SLC6A3: variants seen among roughly 807,000 people sequenced by gnomAD.
The protein encoded by SLC6A3 is sodium-dependent dopamine transporter.
A neutral mutation model predicts 70.4 loss-of-function variants in SLC6A3; 19 were observed. The ratio of observed to expected loss-of-function variants is 0.27; its 90% CI spans 0.19 to 0.40. The LOEUF (loss-of-function observed/expected upper bound fraction) is 0.40. SLC6A3 is among the 10% of genes least tolerant of loss of function. SLC6A3 has a pLI of 1.00. For synonymous variants in SLC6A3, 368 were observed against 356.6 expected (o/e 1.03, Z -0.36); for missense variants, 613 against 838.5 (o/e 0.73, Z 3.32).
At position 1,393,145 on chromosome 5, in the gene SLC6A3, A is replaced by G. The variant is rs1425503664; in HGVS notation, c.*1590T>C. ...CACAGGCTGACGGCTCCCACCGAGC[A>G]TTACACTCCAGTCCCTGGAGCCCAC... is the stretch of plus-strand genomic sequence containing the variant. On this transcript the variant is annotated 3_prime_UTR_variant, in exon 15 of 15. Coordinates refer to ENST00000270349, the MANE Select transcript of SLC6A3 (RefSeq NM_001044.5). 2 of 89,522 alleles carry G rather than the reference A, an allele frequency of 2.2e-5. No individual in the cohort carries two copies. The highest frequency in any genetic ancestry group is 2.2e-4 in the Admixed American group (2 of 9,158). 5.5% of individuals were successfully genotyped at this position (89,522 alleles called of 1,614,324 possible).
In SLC6A3 at chr5:1,393,587, G is replaced by A; in HGVS notation, c.*1148C>T. 6.5e-6 allele frequency: 1 copy of A among 154,220 alleles called. No homozygotes were observed. The highest frequency in any genetic ancestry group is 7.1e-4 in the Middle Eastern group (1 of 1,412). 9.6% of individuals were successfully genotyped at this position (154,220 alleles called of 1,614,324 possible). Reference sequence around the variant, plus strand: ...TGGTCTGCAGGCTGCCTGCATGGGGGCCCTGCATGCGTCCTGGGGTAGTAC... The same window carrying A: ...TGGTCTGCAGGCTGCCTGCATGGGGACCCTGCATGCGTCCTGGGGTAGTAC... On this transcript the variant is annotated 3_prime_UTR_variant, in exon 15 of 15. Coordinates refer to ENST00000270349, the MANE Select transcript of SLC6A3 (RefSeq NM_001044.5).
rs534459203 is a variant in SLC6A3, at chr5:1,408,897, A to C, written c.1498+129T>G. On this transcript the variant is annotated intron_variant, in intron 11 of 14. Coordinates refer to ENST00000270349, the MANE Select transcript of SLC6A3 (RefSeq NM_001044.5). This position sits in a 1 kb window ranked among gnomAD's most constrained non-coding sequence, Gnocchi z 6.4. Reference sequence around the variant, plus strand: ...AGTGCCAAGCCTCTCCCCTCTGCGGAGCTGTGATGACCACAACCCAGGCTT... The same window carrying C: ...AGTGCCAAGCCTCTCCCCTCTGCGGCGCTGTGATGACCACAACCCAGGCTT... The C allele has an allele frequency of 6.5e-5, 47 of 717,714 alleles. No individual in the cohort carries two copies. Among genetic ancestry groups the C allele is most frequent in the Non-Finnish European group, 1.1e-4 (45 of 397,340 alleles). 44.5% of individuals were successfully genotyped at this position (717,714 alleles called of 1,614,324 possible).
intron 6 of SLC6A3, chr5:1,416,723 C>T (rs1756303403): frequency 8.0e-6 from 2 of 251,442 alleles, no homozygotes; most frequent in South Asian, 5.2e-5. Context: ...TAATAGCCCT[C>T]GGAACAGCAC....
chr5:1,404,807 T>C lies in SLC6A3; in HGVS notation c.1599+1381A>G, dbSNP rs11564765. 0.045 allele frequency among the ~76,000 whole-genome samples: 6,878 copies of C among 152,362 alleles called. 200 individuals carry two copies. The highest frequency in any genetic ancestry group is 0.063 in the Non-Finnish European group (4,313 of 68,040). On this transcript the variant is annotated intron_variant, in intron 12 of 14. Coordinates refer to ENST00000270349, the MANE Select transcript of SLC6A3 (RefSeq NM_001044.5). The surrounding 1 kb of genome is among the most constrained non-coding windows in gnomAD (Gnocchi z 5.2). ...TGGCAAAATGAAGTCCTGTTTCGTA[T>C]AGTTTGTAGTTTTATCTAAAAGTCT...
intron 14 of SLC6A3, among the ~76,000 whole-genome samples, chr5:1,399,512 C>T (rs970217493): frequency 6.6e-6 from 1 of 152,210 alleles, no homozygotes; most frequent in Non-Finnish European, 1.5e-5. Flanking sequence ...CAGCAAGAAT[C>T]TCACATGAAG....
rs1579726365 is a variant in SLC6A3 at position 1,438,778 on chromosome 5, C to T, written c.418+2581G>A. ...GCTGTGCCTTGTAAGACACTTGTGA[C>T]AGACTCCAGGGTGGCTCTTGAAAAT... is the stretch of plus-strand genomic sequence containing the variant. On this transcript the variant is annotated intron_variant, in intron 3 of 14. Coordinates refer to ENST00000270349, the MANE Select transcript of SLC6A3 (RefSeq NM_001044.5). The surrounding 1 kb of genome is among the most constrained non-coding windows in gnomAD (Gnocchi z 6.5). Among the ~76,000 whole-genome samples, 1 of 152,332 alleles carries T rather than the reference C, an allele frequency of 6.6e-6. No individual in the cohort carries two copies. Among genetic ancestry groups the T allele is most frequent in the Non-Finnish European group, 1.5e-5 (1 of 68,026 alleles).
rs554593073 is a variant in SLC6A3 at position 1,406,876 on chromosome 5, C to T, written c.1499-588G>A. On this transcript the variant is annotated intron_variant, in intron 11 of 14. Transcript: ENST00000270349. The surrounding 1 kb of genome is among the most constrained non-coding windows in gnomAD (Gnocchi z 8.8). The stretch of plus-strand genomic sequence containing the variant: ...GAATGTGACTCCTGTGGGAACCTCC[C>T]GTCAGTGGAGTCACGTGGCACGGGG... 6.6e-5 allele frequency among the ~76,000 whole-genome samples: 10 copies of T among 152,248 alleles called. No homozygotes were observed. The highest frequency in any genetic ancestry group is 1.3e-4 in the Admixed American group (2 of 15,296).
At chr5:1,424,259 G>A (rs1371043466) in intron 4 of SLC6A3, among the ~76,000 whole-genome samples, 2 of 152,236 alleles carry the variant, frequency 1.3e-5, no homozygotes, top group African/African-American at 4.8e-5. Context: ...ACTGTGCAGG[G>A]AAAGTTGTCT....
At position 1,411,841 on chromosome 5, in the gene SLC6A3, GCAACATACACACTCAGACACACATACCA is replaced by G. The variant is rs1756134478; in HGVS notation, c.1157-514_1157-487del. Among the ~76,000 whole-genome samples the G allele has an allele frequency of 2.7e-5, 4 of 149,360 alleles. No individual in the cohort carries two copies. Among genetic ancestry groups the G allele is most frequent in the African/African-American group, 9.9e-5 (4 of 40,206 alleles). ...ATACACACTCAGACACACATACCAT[GCAACATACACACTCAGACACACATACCA>G]TGCAACATACACACTCAGACACACA... is the stretch of plus-strand genomic sequence containing the variant. On this transcript the variant is annotated intron_variant, in intron 8 of 14. Coordinates refer to ENST00000270349, the MANE Select transcript of SLC6A3 (RefSeq NM_001044.5). The surrounding 1 kb of genome is among the most constrained non-coding windows in gnomAD (Gnocchi z 6.5).
chr5:1,444,513 G>A (rs1442124699), intron 1 of SLC6A3, among the ~76,000 whole-genome samples: 1 of 152,174 alleles, frequency 6.6e-6, no homozygotes, highest in Non-Finnish European at 1.5e-5. Flanking sequence ...GCTCTAACAG[G>A]CAACTTTCCC....
chr5:1,434,240 C>G (rs909115508), intron 3 of SLC6A3, among the ~76,000 whole-genome samples: 1 of 152,216 alleles, frequency 6.6e-6, no homozygotes, highest in African/African-American at 2.4e-5. Context: ...CAGGTAAGAT[C>G]ATCCAGGGCT....
At chr5:1,429,480 C>G (rs1756646132) in intron 4 of SLC6A3, among the ~76,000 whole-genome samples, 1 of 152,226 alleles carries the variant, frequency 6.6e-6, no homozygotes, top group African/African-American at 2.4e-5. Context: ...TCCAAATAGA[C>G]TTCGCTAGTC....
In SLC6A3 at chr5:1,416,688, C is replaced by T. The variant is rs187639860; in HGVS notation, c.928-487G>A. Reference sequence around the variant, plus strand: ...GCCCTCAGAACAGCACGGACTCATCCACACACGGCATGACCGCAGCGTCCT... The same window carrying T: ...GCCCTCAGAACAGCACGGACTCATCTACACACGGCATGACCGCAGCGTCCT... On this transcript the variant is annotated intron_variant, in intron 6 of 14. Coordinates refer to ENST00000270349, the MANE Select transcript of SLC6A3 (RefSeq NM_001044.5). 160 of 270,276 alleles carry T rather than the reference C, an allele frequency of 5.9e-4. 2 individuals carry two copies. The highest frequency in any genetic ancestry group is 3.4e-3 in the African/African-American group (157 of 45,724). 16.7% of individuals were successfully genotyped at this position (270,276 alleles called of 1,614,324 possible).
rs1202488509 is a variant in SLC6A3 at position 1,396,618 on chromosome 5, G to A, written c.1840-1860C>T. ...GGGACAATGGCCCAGGACCCCTGCT[G>A]AGGGTTCAGACGAGCACATCCCGCT... On this transcript the variant is annotated intron_variant, in intron 14 of 14. Coordinates refer to ENST00000270349, the MANE Select transcript of SLC6A3 (RefSeq NM_001044.5). This position sits in a 1 kb window ranked among gnomAD's most constrained non-coding sequence, Gnocchi z 7.0. Among the ~76,000 whole-genome samples the A allele has an allele frequency of 6.8e-6, 1 of 146,776 alleles. No individual in the cohort carries two copies. Among genetic ancestry groups the A allele is most frequent in the Non-Finnish European group, 1.5e-5 (1 of 64,704 alleles).
At position 1,422,013 on chromosome 5, in the gene SLC6A3, G is replaced by A. The variant is rs1165739796; in HGVS notation, c.655C>T (p.Arg219Cys). The A allele has an allele frequency of 1.9e-6, 3 of 1,611,168 alleles. No homozygotes were observed. Among genetic ancestry groups the A allele is most frequent in the Non-Finnish European group, 1.7e-6 (2 of 1,179,846 alleles). ...CTCTGGTGGAGGTGCAGCACGCCAC[G>A]TCTGCAGAGGGGAGTCAGCGGGGGA... is the stretch of plus-strand genomic sequence containing the variant. ...GTTPAAEYFE[R>C]GVLHLHQSHG... The change falls in exon 5 of 15, where the codon CGT (arginine) becomes TGT (cysteine). Residue 219 changes from arginine (R) to cysteine (C), a missense_variant and splice_region_variant. This residue lies in a region of SLC6A3 where 153 missense variants were observed against 249.4 expected (regional missense o/e 0.61). Coordinates refer to ENST00000270349, the MANE Select transcript of SLC6A3 (RefSeq NM_001044.5).
intron 14 of SLC6A3, among the ~76,000 whole-genome samples, chr5:1,400,048 G>A (rs1420987504): frequency 6.6e-6 from 1 of 152,224 alleles, no homozygotes; most frequent in East Asian, 1.9e-4. Flanking sequence ...AGGCAGGTCC[G>A]AGGTGGGGCC....
chr5:1,411,131 T>TG lies in SLC6A3; in HGVS notation c.1269+111dup. The TG allele has an allele frequency of 1.3e-6, 1 of 759,638 alleles. No homozygotes were observed. The highest frequency in any genetic ancestry group is 2.3e-6 in the Non-Finnish European group (1 of 434,788). The allele number at this position is 759,638 out of a possible 1,614,324, so 47.1% of individuals were successfully genotyped here. A position where few individuals can be genotyped will look rare whatever the true frequency, so the allele number is the denominator to read the frequency against. Reference sequence around the variant, plus strand: ...TCGCCCAAGTCAAGGACAGGAGGTCTGGGGGCCGTACGTGAGCCCAGGGAT... The same window carrying TG: ...TCGCCCAAGTCAAGGACAGGAGGTCTGGGGGGCCGTACGTGAGCCCAGGGAT... On this transcript the variant is annotated intron_variant, in intron 9 of 14. Transcript: ENST00000270349. The surrounding 1 kb of genome is among the most constrained non-coding windows in gnomAD (Gnocchi z 6.5).
intron 6 of SLC6A3, 48 bp from the exon 7 acceptor site, chr5:1,416,249 C>T (rs1160837970): frequency 6.9e-7 from 1 of 1,448,498 alleles, no homozygotes; most frequent in Non-Finnish European, 9.6e-7. Context: ...GAACGCAGGC[C>T]ACAGGCAAAG....
rs1031660832 is a variant in SLC6A3, at chr5:1,397,348, G to A, written c.1840-2590C>T. 3.3e-5 allele frequency among the ~76,000 whole-genome samples: 5 copies of A among 152,148 alleles called. No homozygotes were observed. The highest frequency in any genetic ancestry group is 2.1e-4 in the South Asian group (1 of 4,828). The stretch of plus-strand genomic sequence containing the variant: ...CGGGAGGCTGAGGCAGGAGAATGGC[G>A]CGAACCCGGGAGGCGGAGCTTGCAG... On this transcript the variant is annotated intron_variant, in intron 14 of 14. Transcript: ENST00000270349. The surrounding 1 kb of genome is among the most constrained non-coding windows in gnomAD (Gnocchi z 4.7).
Sources: allele counts gnomAD v4.1 joint callset (sites outside exome capture counted in the v4.1 genomes callset), GRCh38; gene constraint gnomAD v4.1.1; regional missense constraint gnomAD v4.1.1; non-coding constraint Gnocchi (gnomAD v3.1); transcripts MANE v1.5; gene names NCBI Gene and HGNC (gene_info 2026-07-23, HGNC 2026-07-21).